Variants in LARGE1 observed in about 807,000 individuals in gnomAD.
LARGE1 encodes LARGE xylosyl- and glucuronyltransferase 1, also known as xylosyl- and glucuronyltransferase LARGE1.
In LARGE1, 43 loss-of-function variants were observed where a neutral mutation model predicts 87.6. The ratio of observed to expected loss-of-function variants is 0.49; its 90% CI spans 0.38 to 0.63. The LOEUF (loss-of-function observed/expected upper bound fraction) is 0.63. LARGE1 is among the 30% of genes least tolerant of loss of function. The pLI is 0.00. For synonymous variants in LARGE1, 434 were observed against 394.6 expected, an observed-to-expected ratio of 1.10 and a Z score of -1.18; for missense variants, 802 against 1,000.2, an observed-to-expected ratio of 0.80 and a Z score of 2.67.
intron 1 of LARGE1, among the ~76,000 whole-genome samples, chr22:33,809,054 C>A (rs948727246): frequency 1.3e-5 from 2 of 150,586 alleles, no homozygotes; most frequent in Non-Finnish European, 3.0e-5. Context: ...GGCGGATCAC[C>A]CGAGGTCAGG....
intron 2 of LARGE1, among the ~76,000 whole-genome samples, chr22:33,729,761 T>C (rs1309247438): frequency 6.6e-6 from 1 of 152,194 alleles, no homozygotes; most frequent in African/African-American, 2.4e-5. Flanking sequence ...TAAGCCTTGG[T>C]TCCTACAGTT....
intron 1 of LARGE1, among the ~76,000 whole-genome samples, chr22:33,845,469 C>T (rs563876048): frequency 7.4e-4 from 113 of 151,794 alleles, no homozygotes; most frequent in Non-Finnish European, 1.0e-3. Flanking sequence ...TCACCATGCC[C>T]GGCTAATTTT....
rs149110511 is a variant in LARGE1, at chr22:33,518,357, C to T, written c.787+46491G>A. 2.2e-4 allele frequency among the ~76,000 whole-genome samples: 33 copies of T among 152,352 alleles called. No homozygotes were observed. The East Asian group carries it at 6.2e-3, about 29-fold the overall frequency. On this transcript the variant is annotated intron_variant, in intron 6 of 14. Coordinates refer to ENST00000397394, the MANE Select transcript of LARGE1 (RefSeq NM_133642.5). ...TTGTTTTGAGACACTCTCACTCTGTCGCCTAGGCTGGAGTGCAGTGACACC... is the reference window on the plus strand; with the variant it reads ...TTGTTTTGAGACACTCTCACTCTGTTGCCTAGGCTGGAGTGCAGTGACACC...
At chr22:33,416,307 TC>T (rs1569144676) in intron 7 of LARGE1, among the ~76,000 whole-genome samples, 1 of 152,128 alleles carries the variant, frequency 6.6e-6, no homozygotes, top group Non-Finnish European at 1.5e-5. Context: ...TTTCACACCT[TC>T]CAACCTGGGC....
intron 6 of LARGE1, among the ~76,000 whole-genome samples, chr22:33,464,223 G>A (rs2068496367): frequency 6.6e-6 from 1 of 152,096 alleles, no homozygotes; most frequent in African/African-American, 2.4e-5. Flanking sequence ...CATACAAAAA[G>A]TATTCAATCC....
At chr22:33,261,820 A>T (rs550260940) in intron 11 of LARGE1, among the ~76,000 whole-genome samples, 1 of 152,314 alleles carries the variant, frequency 6.6e-6, no homozygotes, top group South Asian at 2.1e-4. Flanking sequence ...TTCTCTCTGT[A>T]GTAGAGAATC....
chr22:33,919,295 C>T (rs2065874795), intron 1 of LARGE1, among the ~76,000 whole-genome samples: 1 of 152,128 alleles, frequency 6.6e-6, no homozygotes, highest in Non-Finnish European at 1.5e-5. Flanking sequence ...TTAAGAGGAA[C>T]ATTTAAAAGA....
At chr22:33,165,767 G>A (rs1922236723) in exon 12 of LARGE1, 1 of 152,118 alleles carries the variant, frequency 6.6e-6, no homozygotes, top group Admixed American at 6.6e-5. Flanking sequence ...TGCTGTTTGT[G>A]ATAATAAAAT....
chr22:33,651,406 A>G lies in LARGE1; in HGVS notation c.107-738T>C, dbSNP rs199872117. 7.9e-4 allele frequency among the ~76,000 whole-genome samples: 118 copies of G among 149,782 alleles called. 1 individual carries two copies. The highest frequency in any genetic ancestry group is 2.6e-3 in the African/African-American group (106 of 40,774). On this transcript the variant is annotated intron_variant, in intron 2 of 14. Coordinates refer to ENST00000397394, the MANE Select transcript of LARGE1 (RefSeq NM_133642.5). ...CTCCGTCTCAAAAAAAAAAAAAAAAAAAAAGAAAAAAGATAATAATAATGA... is the reference window on the plus strand; with the variant it reads ...CTCCGTCTCAAAAAAAAAAAAAAAAGAAAAGAAAAAAGATAATAATAATGA...
intron 1 of LARGE1, among the ~76,000 whole-genome samples, chr22:33,867,392 G>C (rs1350118248): frequency 6.6e-6 from 1 of 152,096 alleles, no homozygotes; most frequent in Non-Finnish European, 1.5e-5. Flanking sequence ...CTCAGCAGAG[G>C]GACCAAACAG....
intron 11 of LARGE1, among the ~76,000 whole-genome samples, chr22:33,312,940 T>C (rs1192129430): frequency 6.6e-6 from 1 of 152,098 alleles, no homozygotes; most frequent in Non-Finnish European, 1.5e-5. Context: ...AGCCTAGGTG[T>C]CCAAACTGAA....
At chr22:33,238,163 A>G (rs1341864384) in intron 11 of LARGE1, among the ~76,000 whole-genome samples, 1 of 152,220 alleles carries the variant, frequency 6.6e-6, no homozygotes, top group Non-Finnish European at 1.5e-5. Flanking sequence ...TATAACTTCA[A>G]TTAATTAAAA....
At chr22:33,185,040 T>A (rs566254889) in intron 11 of LARGE1, among the ~76,000 whole-genome samples, 34 of 152,326 alleles carry the variant, frequency 2.2e-4, no homozygotes, top group African/African-American at 8.2e-4. Context: ...GATCCAGCAA[T>A]CACTCTCTCT....
At chr22:33,282,142 C>T (rs1344430784) in intron 13 of LARGE1, among the ~76,000 whole-genome samples, 3 of 152,084 alleles carry the variant, frequency 2.0e-5, no homozygotes, top group Non-Finnish European at 2.9e-5. Context: ...GTCAGGAGTT[C>T]GAGACCAGCC....
chr22:33,549,145 T>A (rs2077449532), intron 6 of LARGE1, among the ~76,000 whole-genome samples: 1 of 152,140 alleles, frequency 6.6e-6, no homozygotes, highest in Non-Finnish European at 1.5e-5. Flanking sequence ...TTCATCTCAA[T>A]AAGGACCCTG....
chr22:33,160,939 T>A (rs1213629902), downstream of LARGE1, among the ~76,000 whole-genome samples: 1 of 152,190 alleles, frequency 6.6e-6, no homozygotes, highest in Non-Finnish European at 1.5e-5. Context: ...GGAAAACATG[T>A]TTTAAAAGTG....
intron 9 of LARGE1, among the ~76,000 whole-genome samples, chr22:33,372,988 C>T (rs2064869930): frequency 1.3e-5 from 2 of 152,062 alleles, no homozygotes; most frequent in South Asian, 4.1e-4. Context: ...GAGAAACAAT[C>T]TTATGTGGTA....
intron 6 of LARGE1, among the ~76,000 whole-genome samples, chr22:33,434,046 T>C (rs1246335393): frequency 3.3e-5 from 5 of 152,206 alleles, no homozygotes; most frequent in Admixed American, 2.6e-4. Flanking sequence ...CAGAAAAACA[T>C]AACACCAATT....
At chr22:33,907,886 C>T (rs1006554460) in intron 1 of LARGE1, among the ~76,000 whole-genome samples, 23 of 152,276 alleles carry the variant, frequency 1.5e-4, no homozygotes, top group African/African-American at 5.1e-4. Flanking sequence ...CGTAAGCCAC[C>T]GTGCCCGGCC....
Sources: gnomAD v4.1 joint callset for allele counts (sites outside exome capture counted in the v4.1 genomes callset) on GRCh38, gnomAD v4.1.1 for gene constraint, MANE v1.5 for transcripts, NCBI Gene and HGNC (gene_info 2026-07-23, HGNC 2026-07-21) for gene names.